Variants in PCLO observed in about 807,000 individuals in gnomAD.
PCLO encodes the protein piccolo presynaptic cytomatrix protein, also known as protein piccolo.
In PCLO, 82 loss-of-function variants were observed where a neutral mutation model predicts 427.5. The observed-to-expected ratio is 0.19, with a 90% CI of 0.16 to 0.23. PCLO has a LOEUF of 0.23. Among genes scored for constraint, PCLO ranks in the 10% least tolerant of loss-of-function variants. The pLI is 1.00. For synonymous variants in PCLO, 2,357 were observed against 2,155.4 expected, an observed-to-expected ratio of 1.09 and a Z score of -2.59; for missense variants, 6,239 against 6,115.9, an observed-to-expected ratio of 1.02 and a Z score of -0.67.
At chr7:83,082,526 G>A (rs991978811) in intron 3 of PCLO, among the ~76,000 whole-genome samples, 1 of 151,578 alleles carries the variant, frequency 6.6e-6, no homozygotes, top group Non-Finnish European at 1.5e-5. Flanking sequence ...TATGAAGAAG[G>A]GATGATTAAT....
rs544059820 is a variant in PCLO at position 82,836,749 on chromosome 7, T to C, written c.14223-1056A>G. 1.1e-4 allele frequency among the ~76,000 whole-genome samples: 16 copies of C among 152,262 alleles called. No homozygotes were observed. The South Asian group carries it at 3.1e-3, about 30-fold the overall frequency. On this transcript the variant is annotated intron_variant, in intron 15 of 24. Transcript: ENST00000333891. The stretch of plus-strand genomic sequence containing the variant: ...TTCTGCCTACCTCGGCTCTCAGGGT[T>C]GACAAGAATACTGAATCTCAAAGAA...
intron 3 of PCLO, among the ~76,000 whole-genome samples, chr7:83,102,039 T>TA (rs1239534357): frequency 1.3e-5 from 2 of 152,128 alleles, no homozygotes; most frequent in African/African-American, 4.8e-5. Context: ...ACGTTTTTGT[T>TA]AGAGTTGAAA....
intron 3 of PCLO, among the ~76,000 whole-genome samples, chr7:83,009,876 C>A (rs1427981868): frequency 6.6e-6 from 1 of 151,828 alleles, no homozygotes; most frequent in African/African-American, 2.4e-5. Flanking sequence ...AATATAATAA[C>A]TATTTACTAA....
rs141105612 is a variant in PCLO at position 82,794,450 on chromosome 7, A to ATTTTTTTTTCTT, written c.15007+7067_15007+7068insAAGAAAAAAAAA. On this transcript the variant is annotated intron_variant, in intron 22 of 24. Transcript: ENST00000333891. ...TTGTTACTGACATGCTAGTTCATAAATTTTTTTTCTTTTTTTTTTTTTTTT... is the reference window on the plus strand; with the variant it reads ...TTGTTACTGACATGCTAGTTCATAAATTTTTTTTTCTTTTTTTTTTCTTTTTTTTTTTTTTTT... 1.1e-3 allele frequency among the ~76,000 whole-genome samples: 67 copies of ATTTTTTTTTCTT among 62,032 alleles called. 3 individuals are homozygous for ATTTTTTTTTCTT. Among genetic ancestry groups the ATTTTTTTTTCTT allele is most frequent in the Non-Finnish European group, 2.2e-3 (58 of 25,892 alleles). 40.7% of individuals were successfully genotyped at this position (62,032 alleles called of 152,430 possible). A position where few individuals can be genotyped will look rare whatever the true frequency, so the allele number is the denominator to read the frequency against.
At chr7:83,114,301 A>C (rs2116535430) in intron 3 of PCLO, among the ~76,000 whole-genome samples, 1 of 152,244 alleles carries the variant, frequency 6.6e-6, no homozygotes, top group Non-Finnish European at 1.5e-5. Flanking sequence ...AAGAGGGCTG[A>C]CTGGAGTATT....
At chr7:83,135,808 T>C (rs114333063) in intron 2 of PCLO, among the ~76,000 whole-genome samples, 152 bp from the exon 3 acceptor site, 1 of 152,068 alleles carries the variant, frequency 6.6e-6, no homozygotes, top group Non-Finnish European at 1.5e-5. Flanking sequence ...GATATTAAAA[T>C]ATAATTAATT....
chr7:82,786,938 G>T (rs543303945), intron 22 of PCLO, among the ~76,000 whole-genome samples: 1 of 152,150 alleles, frequency 6.6e-6, no homozygotes, highest in South Asian at 2.1e-4. Flanking sequence ...TTTTATGGCT[G>T]TATAGTATTC....
rs759141350 is a variant in PCLO at position 82,758,568 on chromosome 7, T to C, written c.*7A>G. The C allele has an allele frequency of 6.2e-6, 10 of 1,607,344 alleles. No homozygotes were observed. Among genetic ancestry groups the C allele is most frequent in the South Asian group, 1.1e-5 (1 of 90,078 alleles). ...GCAGTTTCTATACCCTGAGAAGACA[T>C]GTTTCTTCAATGCGTTTGAGTAGGA... is the stretch of plus-strand genomic sequence containing the variant. On this transcript the variant is annotated 3_prime_UTR_variant, in exon 25 of 25. Transcript: ENST00000333891.
Position 83,134,452 on chromosome 7 carries a change from C to T in PCLO, c.3098G>A (p.Ser1033Asn). Residue 1033 changes from serine (S) to asparagine (N), a missense_variant, in exon 3 of 25, where the codon AGC (serine) becomes AAC (asparagine). Around this residue, in one of 5 missense-constraint regions of PCLO, gnomAD observed 4,677 missense variants for 4,468.4 expected, o/e 1.05. Coordinates refer to ENST00000333891, the MANE Select transcript of PCLO (RefSeq NM_033026.6). Reference protein sequence around the residue: ...TEKKPPPIKDSKSLTAEPQKA... With the variant: ...TEKKPPPIKDNKSLTAEPQKA... ...TTGAGGCTCAGCTGTTAAAGATTTG[C>T]TATCCTTAATAGGTGGTGGCTTTTT... 1 of 1,613,822 alleles carries T rather than the reference C, an allele frequency of 6.2e-7. No individual in the cohort carries two copies. The highest frequency in any genetic ancestry group is 1.3e-5 in the African/African-American group (1 of 75,038).
At position 82,915,828 on chromosome 7, in the gene PCLO, C is replaced by T; in HGVS notation, c.12158G>A (p.Gly4053Glu). ...TGCCGCTGTTCCTTTGGTGATCTCT[C>T]CAATGTCGTCAATTAGGACATAATT... ...PRNYVLIDDI[G>E]EITKGTAALS... Residue 4053 changes from glycine to glutamate, a missense_variant, in exon 7 of 25, where the codon GGA becomes GAA. Gly to Glu is a moderately conservative substitution (Grantham distance 98). This residue lies in a region of PCLO where 680 missense variants were observed against 677.3 expected (regional missense o/e 1.00). Coordinates refer to ENST00000333891, the MANE Select transcript of PCLO (RefSeq NM_033026.6). 1 of 1,613,376 alleles carries T rather than the reference C, an allele frequency of 6.2e-7. No homozygotes were observed. Among genetic ancestry groups the T allele is most frequent in the Non-Finnish European group, 8.5e-7 (1 of 1,179,678 alleles).
At chr7:83,139,898 A>C (rs983152273) in intron 2 of PCLO, among the ~76,000 whole-genome samples, 1 of 152,190 alleles carries the variant, frequency 6.6e-6, no homozygotes, top group Non-Finnish European at 1.5e-5. Context: ...TTGAAGGTAG[A>C]AATGATTTGT....
At position 82,778,813 on chromosome 7, in the gene PCLO, C is replaced by T. The variant is rs147529088; in HGVS notation, c.15008-17320G>A. On this transcript the variant is annotated intron_variant, in intron 22 of 24. Coordinates refer to ENST00000333891, the MANE Select transcript of PCLO (RefSeq NM_033026.6). Reference sequence around the variant, plus strand: ...GAGGATTTTTTCCTGGCCATCTGCTCAGTTTCTTTGGTCTGCTAGATTATA... The same window carrying T: ...GAGGATTTTTTCCTGGCCATCTGCTTAGTTTCTTTGGTCTGCTAGATTATA... 4.1e-4 allele frequency among the ~76,000 whole-genome samples: 62 copies of T among 151,962 alleles called. 1 individual carries two copies. Among genetic ancestry groups the T allele is most frequent in the African/African-American group, 1.4e-3 (60 of 41,476 alleles).
chr7:82,799,536 G>A (rs1263748358), intron 22 of PCLO, among the ~76,000 whole-genome samples: 1 of 152,180 alleles, frequency 6.6e-6, no homozygotes, highest in East Asian at 1.9e-4. Context: ...GTAAAATATT[G>A]TGCTGGCCCT....
intron 1 of PCLO, among the ~76,000 whole-genome samples, chr7:83,159,402 CATATG>C (rs1310489657): frequency 1.3e-5 from 2 of 152,082 alleles, no homozygotes; most frequent in South Asian, 2.1e-4. Context: ...AAGCCCTTCT[CATATG>C]ATATATCTGT....
At position 83,134,589 on chromosome 7, in the gene PCLO, T is replaced by C. The variant is rs769706319; in HGVS notation, c.2961A>G (p.Pro987=). The change falls in exon 3 of 25, where the codon CCA becomes CCG. Residue 987 remains proline, a synonymous_variant. Coordinates refer to ENST00000333891, the MANE Select transcript of PCLO (RefSeq NM_033026.6). ...CAGGTATACTTTTTGCAGGTGCTGGTGGTGCTTGACCTGTGGATTTGGGTG... is the reference window on the plus strand; with the variant it reads ...CAGGTATACTTTTTGCAGGTGCTGGCGGTGCTTGACCTGTGGATTTGGGTG... ...QGPPKSTGQA[P]PAPAKSIPVK... The C allele has an allele frequency of 2.5e-6, 4 of 1,613,804 alleles. No homozygotes were observed. In the African/African-American group the frequency reaches 5.3e-5, roughly 22 times the overall value.
intron 22 of PCLO, among the ~76,000 whole-genome samples, chr7:82,780,027 C>T (rs1790839397): frequency 6.6e-6 from 1 of 152,176 alleles, no homozygotes. Flanking sequence ...ATAGAAATTA[C>T]TCCTTACCAT....
At chr7:82,921,174 G>T (rs1350093366) in intron 6 of PCLO, among the ~76,000 whole-genome samples, 1 of 151,610 alleles carries the variant, frequency 6.6e-6, no homozygotes, top group Non-Finnish European at 1.5e-5. Context: ...AGATTCAATG[G>T]TATTTCTATC....
Position 82,950,712 on chromosome 7 carries a change from C to G in PCLO, c.9876G>C (p.Gln3292His), listed in dbSNP as rs1236937369. ...RQETLAQQQL[Q>H]LEQIQQLQQQ... ...GTTGCAGCTGTTGGATCTGCTCAAG[C>G]TGTAACTGTTGCTGAGCTAACGTCT... is the stretch of plus-strand genomic sequence containing the variant. The change falls in exon 6 of 25, where the codon CAG becomes CAC. Residue 3292 changes from glutamine (Q) to histidine (H), a missense_variant. Gln to His is a conservative substitution (Grantham distance 24, BLOSUM62 0). This residue lies in a region of PCLO where 4,677 missense variants were observed against 4,468.4 expected (regional missense o/e 1.05). Transcript: ENST00000333891. 6.2e-7 allele frequency: 1 copy of G among 1,613,862 alleles called. No homozygotes were observed. The highest frequency in any genetic ancestry group is 1.1e-5 in the South Asian group (1 of 91,080).
At chr7:82,801,462 C>T in intron 22 of PCLO, 56 bp downstream of exon 22, 2 of 895,570 alleles carry the variant, frequency 2.2e-6, no homozygotes, top group Non-Finnish European at 3.8e-6. Context: ...AACTGAAACA[C>T]TTATACTGTA....
Sources: allele counts gnomAD v4.1 joint callset (sites outside exome capture counted in the v4.1 genomes callset), GRCh38; gene constraint gnomAD v4.1.1; regional missense constraint gnomAD v4.1.1; transcripts MANE v1.5; gene names NCBI Gene and HGNC (gene_info 2026-07-23, HGNC 2026-07-21).